Variants in HAUS7 observed in about 807,000 individuals in gnomAD.
HAUS7 encodes HAUS augmin like complex subunit 7.
Under a neutral mutation model 28.4 loss-of-function variants are expected in HAUS7, and 3 were observed. The observed-to-expected ratio is 0.11, with a 90% CI of 0.05 to 0.27. The LOEUF (loss-of-function observed/expected upper bound fraction) is 0.27, where lower values mean the gene tolerates loss of function less well. Among genes scored for constraint, HAUS7 ranks in the 10% least tolerant of loss-of-function variants. HAUS7 has a pLI of 1.00. For synonymous variants in HAUS7, 165 were observed against 132.1 expected, an observed-to-expected ratio of 1.25 and a Z score of -1.71; for missense variants, 284 against 297.3, an observed-to-expected ratio of 0.96 and a Z score of 0.33.
In HAUS7 at chrX:153,449,037, G is replaced by A. The variant is rs782379568; in HGVS notation, c.1046-1128C>T. 6.3e-5 allele frequency among the ~76,000 whole-genome samples: 7 copies of A among 111,905 alleles called. No individual in the cohort carries two copies. In the East Asian group the frequency reaches 1.1e-3, roughly 18 times the overall value. On this transcript the variant is annotated intron_variant, in intron 9 of 9. Coordinates refer to ENST00000370211, the MANE Select transcript of HAUS7 (RefSeq NM_001385482.1). ...TTGGCTGCCCGGCCCAGTGGCGACC[G>A]TGGTGGCTGCGCTGACCTTATCTGC...
chrX:153,455,896 T>C, intron 7 of HAUS7, 130 bp from the exon 8 acceptor site: 2 of 464,344 alleles, frequency 4.3e-6, no homozygotes, highest in South Asian at 3.2e-5. Flanking sequence ...ACAGGGGAGC[T>C]GTACCGAGCG....
At chrX:153,452,101 C>CA (rs782797151) in intron 9 of HAUS7, among the ~76,000 whole-genome samples, 27 of 112,543 alleles carry the variant, frequency 2.4e-4, no homozygotes, top group African/African-American at 7.7e-4. Context: ...GGCTTCGCAT[C>CA]AGAAGCTTTG....
intron 1 of HAUS7, among the ~76,000 whole-genome samples, chrX:153,493,685 C>A (rs1259226958): frequency 6.3e-5 from 7 of 111,518 alleles, no homozygotes; most frequent in Admixed American, 5.7e-4. Context: ...AGGTGCCATG[C>A]GTCCCAGGTC....
chrX:153,484,652 T>G (rs955194180), intron 1 of HAUS7, among the ~76,000 whole-genome samples: 3 of 112,678 alleles, frequency 2.7e-5, no homozygotes, highest in Non-Finnish European at 5.6e-5. Context: ...CCTGCATCCT[T>G]GCGTTCCAGG....
intron 1 of HAUS7, among the ~76,000 whole-genome samples, chrX:153,493,209 C>T (rs1429110917): frequency 6.2e-5 from 7 of 112,226 alleles, no homozygotes; most frequent in South Asian, 3.7e-4. Flanking sequence ...CCCACAAATC[C>T]GCTTTCTGTC....
At chrX:153,482,895 G>C in intron 1 of HAUS7, 1 of 263,823 alleles carries the variant, frequency 3.8e-6, no homozygotes, top group Non-Finnish European at 5.3e-6. Context: ...CCCCAGGATG[G>C]GGAGGCAACA....
chrX:153,465,111 G>A, intron 2 of HAUS7, 56 bp from the exon 3 acceptor site: 1 of 828,923 alleles, frequency 1.2e-6, no homozygotes, highest in Non-Finnish European at 1.8e-6. Flanking sequence ...ATCCCCCTGG[G>A]CCCTCTATAC....
chrX:153,462,493 G>C, intron 4 of HAUS7, 117 bp downstream of exon 4: 4 of 624,515 alleles, frequency 6.4e-6, no homozygotes, highest in South Asian at 5.0e-5. Context: ...CAGGGCCTGA[G>C]GAACCTCAAA....
chrX:153,457,160 G>A lies in HAUS7; in HGVS notation c.423C>T (p.Thr141=). 2 of 1,198,581 alleles carry A rather than the reference G, an allele frequency of 1.7e-6. No individual in the cohort carries two copies. Among genetic ancestry groups the A allele is most frequent in the Non-Finnish European group, 2.3e-6 (2 of 883,085 alleles). Residue 141 remains threonine, a synonymous_variant, in exon 5 of 10, where the codon ACC becomes ACT. Coordinates refer to ENST00000370211, the MANE Select transcript of HAUS7 (RefSeq NM_001385482.1). The stretch of plus-strand genomic sequence containing the variant: ...ACCTCGAGCAACTGGAGCACCCAAT[G>A]GTCAGGCTCCGGATGGTATCGAGCA... ...DQLLDTIRSL[T]IGCSSCSSLM...
At chrX:153,486,732 G>A (rs782440503) in intron 1 of HAUS7, 10 of 980,661 alleles carry the variant, frequency 1.0e-5, no homozygotes, top group South Asian at 4.0e-5. Context: ...GCCGCATCCC[G>A]CCCACTGCCT....
At chrX:153,464,018 G>A (rs782421194) in intron 3 of HAUS7, among the ~76,000 whole-genome samples, 3 of 112,861 alleles carry the variant, frequency 2.7e-5, no homozygotes, top group East Asian at 5.6e-4. Flanking sequence ...CAGGAACAGC[G>A]CCTCGCATGT....
At chrX:153,485,138 A>G (rs1556988204) in intron 1 of HAUS7, among the ~76,000 whole-genome samples, 1 of 112,161 alleles carries the variant, frequency 8.9e-6, no homozygotes, top group East Asian at 2.8e-4. Context: ...TGAAGGTGGC[A>G]GCCTGAACTC....
chrX:153,463,910 C>A (rs987944606), intron 3 of HAUS7, among the ~76,000 whole-genome samples: 6 of 112,878 alleles, frequency 5.3e-5, no homozygotes, highest in Non-Finnish European at 9.4e-5. Flanking sequence ...TTCTCGCTGG[C>A]AGGTGCATGA....
At chrX:153,472,855 C>G (rs782749158), upstream of HAUS7, among the ~76,000 whole-genome samples, 2 of 103,285 alleles carry the variant, frequency 1.9e-5, no homozygotes, top group South Asian at 9.2e-4. Flanking sequence ...CTGAAGGACC[C>G]ATTGACCTGG....
chrX:153,453,700 G>A (rs979714066), intron 9 of HAUS7, among the ~76,000 whole-genome samples: 23 of 111,241 alleles, frequency 2.1e-4, no homozygotes, highest in Admixed American at 5.7e-4. Flanking sequence ...CAATGGTGCT[G>A]CGACAAATGT....
chrX:153,454,991 T>C (rs782358164), intron 8 of HAUS7: 1 of 1,022,102 alleles, frequency 9.8e-7, no homozygotes, highest in East Asian at 6.0e-5. Context: ...AGGGCAGAGT[T>C]GCGCACGTGG....
intron 9 of HAUS7, among the ~76,000 whole-genome samples, chrX:153,453,565 C>CAA (rs372612898): frequency 3.1e-5 from 3 of 95,785 alleles, no homozygotes; most frequent in South Asian, 4.5e-4. Context: ...GCAGGGATAG[C>CAA]AAAAAAAAAA....
At position 153,470,509 on chromosome X, in the gene HAUS7, C is replaced by T; in HGVS notation, c.49G>A (p.Glu17Lys). 8.3e-7 allele frequency: 1 copy of T among 1,204,947 alleles called. No individual in the cohort carries two copies. ...GACACGCTGCTGTCGCCCTCGTCCT[C>T]TGAGTAGTCGTCGCCGCCACGGCCG... Reference protein sequence around the residue: ...GCGRGGDDYSEDEGDSSVSRA... With the variant: ...GCGRGGDDYSKDEGDSSVSRA... Residue 17 changes from glutamate (E) to lysine (K), a missense_variant, in exon 1 of 10, where the codon GAG (glutamate) becomes AAG (lysine). Physicochemically the swap from Glu to Lys is moderately conservative, Grantham distance 56 (BLOSUM62 1). Coordinates refer to ENST00000370211, the MANE Select transcript of HAUS7 (RefSeq NM_001385482.1).
chrX:153,478,545 GGA>G (rs1277943021), intron 1 of HAUS7, among the ~76,000 whole-genome samples: 2 of 112,856 alleles, frequency 1.8e-5, no homozygotes, highest in African/African-American at 6.4e-5. Flanking sequence ...GGCAGTGCCT[GGA>G]ACACCCATGC....
Sources: gnomAD v4.1 joint callset for allele counts (sites outside exome capture counted in the v4.1 genomes callset) on GRCh38, gnomAD v4.1.1 for gene constraint, MANE v1.5 for transcripts, NCBI Gene and HGNC (gene_info 2026-07-23, HGNC 2026-07-21) for gene names.